Variants in KANK1 observed in about 807,000 individuals in gnomAD.
KANK1 encodes the protein KN motif and ankyrin repeat domains 1.
In KANK1, 109 loss-of-function variants were observed where a neutral mutation model predicts 106.2. That is an observed-to-expected ratio of 1.03 (90% CI 0.88 to 1.20). The LOEUF (loss-of-function observed/expected upper bound fraction) is 1.20. KANK1 is among the 50% of genes most tolerant of loss of function. The pLI, the probability that KANK1 is intolerant of heterozygous loss-of-function variation, is 0.00. For synonymous variants in KANK1, 873 were observed against 652.2 expected (o/e 1.34, Z -5.16); for missense variants, 2,399 against 1,710.7 (o/e 1.40, Z -7.10).
chr9:507,164 T>C (rs2058798570), intron 1 of KANK1, among the ~76,000 whole-genome samples: 1 of 150,244 alleles, frequency 6.7e-6, no homozygotes, highest in Non-Finnish European at 1.5e-5. Flanking sequence ...ATTTAGAACA[T>C]TGACATAGCG....
intron 3 of KANK1, among the ~76,000 whole-genome samples, chr9:483,477 G>A (rs1400521829): frequency 2.0e-5 from 3 of 152,196 alleles, no homozygotes; most frequent in African/African-American, 7.2e-5. Context: ...AGGGCTTGGG[G>A]TCTGATTTCT....
chr9:645,819 C>G (rs4451359), intron 1 of KANK1, among the ~76,000 whole-genome samples: 10,564 of 150,680 alleles, frequency 0.07, 866 homozygotes, highest in African/African-American at 0.13. Flanking sequence ...GGCGACAGAG[C>G]AAGACTCCAT....
At chr9:655,613 A>G in intron 1 of KANK1, among the ~76,000 whole-genome samples, 1 of 152,174 alleles carries the variant, frequency 6.6e-6, no homozygotes, top group African/African-American at 2.4e-5. Context: ...AGATGCTGCT[A>G]AGATTGCCCA....
intron 3 of KANK1, among the ~76,000 whole-genome samples, chr9:478,921 CT>C (rs59794020): frequency 0.17 from 22,745 of 137,490 alleles, 2,008 homozygotes; most frequent in East Asian, 0.47. Context: ...ACATCCATTA[CT>C]TTTTTTTTTT....
intron 3 of KANK1, among the ~76,000 whole-genome samples, chr9:719,782 G>C (rs1262643958): frequency 1.3e-5 from 2 of 151,726 alleles, no homozygotes; most frequent in Non-Finnish European, 2.9e-5. Context: ...GTCTTGCTTT[G>C]TCACCCAGAC....
chr9:701,529 T>C (rs13296848), intron 2 of KANK1, among the ~76,000 whole-genome samples: 59,445 of 152,076 alleles, frequency 0.39, 12,735 homozygotes, highest in South Asian at 0.54. Context: ...TAATTCTTTG[T>C]TGGGGGAAGG....
intron 1 of KANK1, among the ~76,000 whole-genome samples, chr9:559,674 CAG>C (rs1425307325): frequency 7.9e-5 from 12 of 152,266 alleles, no homozygotes; most frequent in South Asian, 4.1e-4. Flanking sequence ...AAAAGACAAA[CAG>C]ATATTTTTCA....
Position 629,203 on chromosome 9 carries a change from T to C in KANK1, c.-83-47687T>C, listed in dbSNP as rs377671785. 5.3e-5 allele frequency among the ~76,000 whole-genome samples: 8 copies of C among 152,230 alleles called. No homozygotes were observed. In the East Asian group the frequency reaches 1.5e-3, roughly 29 times the overall value. On this transcript the variant is annotated intron_variant, in intron 1 of 11. Transcript: ENST00000382297. ...TGCAGTGTTTTGTCATGAGAGTTGC[T>C]CCCAGCCGCTGATGGGGTTGCCTTG...
chr9:486,462 T>G (rs778969099), intron 3 of KANK1, among the ~76,000 whole-genome samples: 4 of 152,166 alleles, frequency 2.6e-5, no homozygotes, highest in Non-Finnish European at 5.9e-5. Flanking sequence ...CACAACTGCC[T>G]TATGGGGTAG....
At chr9:666,051 T>C (rs959737197) in intron 1 of KANK1, among the ~76,000 whole-genome samples, 1 of 152,042 alleles carries the variant, frequency 6.6e-6, no homozygotes, top group Admixed American at 6.6e-5. Context: ...CGTGGTGGCA[T>C]GTGCCTGTGG....
intron 1 of KANK1, among the ~76,000 whole-genome samples, chr9:562,652 A>C (rs1816795971): frequency 6.6e-6 from 1 of 152,200 alleles, no homozygotes; most frequent in Non-Finnish European, 1.5e-5. Flanking sequence ...AGTTACAGTG[A>C]GGATTTCCTG....
intron 1 of KANK1, among the ~76,000 whole-genome samples, chr9:538,961 G>A (rs578112109): frequency 6.6e-6 from 1 of 152,208 alleles, no homozygotes; most frequent in Admixed American, 6.5e-5. Context: ...GCTCACTGCA[G>A]CCTCCACCTC....
intron 1 of KANK1, chr9:549,235 C>T (rs752673166): frequency 6.6e-6 from 1 of 152,428 alleles, no homozygotes; most frequent in South Asian, 2.1e-4. Flanking sequence ...CCTCCCAGAA[C>T]CTTCCTGTAA....
chr9:713,258 A>G lies in KANK1; in HGVS notation c.2492A>G (p.Gln831Arg), dbSNP rs150833336. 1.9e-6 allele frequency: 3 copies of G among 1,611,730 alleles called. No homozygotes were observed. The highest frequency in any genetic ancestry group is 2.5e-6 in the Non-Finnish European group (3 of 1,178,934). Reference sequence around the variant, plus strand: ...CTGGATCACTACATTGAGCGTATCCAGAAGCTGCTGGCAGAACAGCAGACA... The same window carrying G: ...CTGGATCACTACATTGAGCGTATCCGGAAGCTGCTGGCAGAACAGCAGACA... Reference protein sequence around the residue: ...TGLDHYIERIQKLLAEQQTLL... With the variant: ...TGLDHYIERIRKLLAEQQTLL... Residue 831 changes from glutamine (Q) to arginine (R), a missense_variant, in exon 3 of 12, where the codon CAG (glutamine) becomes CGG (arginine). Transcript: ENST00000382297.
chr9:536,426 CAAG>C (rs1296502516), intron 1 of KANK1, among the ~76,000 whole-genome samples: 12 of 152,056 alleles, frequency 7.9e-5, no homozygotes, highest in Admixed American at 1.3e-4. Context: ...GGAATAAAAT[CAAG>C]AAGTCAGCAG....
At chr9:654,140 A>G (rs1841551165) in intron 1 of KANK1, among the ~76,000 whole-genome samples, 1 of 152,178 alleles carries the variant, frequency 6.6e-6, no homozygotes, top group African/African-American at 2.4e-5. Flanking sequence ...AAATGACCAC[A>G]TGCAGCAGTT....
chr9:686,281 T>G (rs1818532523), intron 2 of KANK1, among the ~76,000 whole-genome samples: 1 of 152,214 alleles, frequency 6.6e-6, no homozygotes, highest in Non-Finnish European at 1.5e-5. Flanking sequence ...GGATGCTTTA[T>G]TCAACTCAGG....
chr9:676,870 G>A lies in KANK1; in HGVS notation c.-83-20G>A. On this transcript the variant is annotated intron_variant, in intron 1 of 11. Coordinates refer to ENST00000382297, the MANE Select transcript of KANK1 (RefSeq NM_015158.5). ...TTTTTTAAATGATCCATTTTGATGG[G>A]GCTCTCTTTATTGTTTCAGGTTGAA... The A allele has an allele frequency of 1.2e-6, 1 of 826,242 alleles. No homozygotes were observed. The highest frequency in any genetic ancestry group is 1.5e-5 in the South Asian group (1 of 65,924). The allele number at this position is 826,242 out of a possible 1,614,324, so 51.2% of individuals were successfully genotyped here.
intron 1 of KANK1, among the ~76,000 whole-genome samples, chr9:657,896 G>T (rs927863154): frequency 1.3e-5 from 2 of 151,828 alleles, no homozygotes; most frequent in African/African-American, 4.8e-5. Context: ...TGGTGGTGTG[G>T]GGGTGGTATA....
Sources: allele counts gnomAD v4.1 joint callset (sites outside exome capture counted in the v4.1 genomes callset), GRCh38; gene constraint gnomAD v4.1.1; transcripts MANE v1.5; gene names NCBI Gene and HGNC (gene_info 2026-07-23, HGNC 2026-07-21).